The following ABLIM3 variants were observed in gnomAD, a reference collection of about 807,000 sequenced individuals.
The protein encoded by ABLIM3 is actin-binding LIM protein 3.
In ABLIM3, 61 loss-of-function variants were observed where a neutral mutation model predicts 109.5. The ratio of observed to expected loss-of-function variants is 0.56; its 90% CI spans 0.45 to 0.69. The LOEUF is 0.69. Among genes scored for constraint, ABLIM3 ranks in the 30% least tolerant of loss-of-function variants. The pLI is 0.00. For synonymous variants in ABLIM3, 300 were observed against 324.8 expected (o/e 0.92, Z 0.82); for missense variants, 796 against 889.5 (o/e 0.89, Z 1.34).
intron 2 of ABLIM3, 104 bp downstream of exon 2, chr5:149,142,212 T>A: frequency 6.6e-7 from 1 of 1,519,316 alleles, no homozygotes; most frequent in Non-Finnish European, 9.1e-7. Flanking sequence ...GCCTGGCATC[T>A]CTGGACACAT....
At chr5:149,148,158 G>A (rs976539317) in intron 2 of ABLIM3, among the ~76,000 whole-genome samples, 7 of 152,162 alleles carry the variant, frequency 4.6e-5, no homozygotes, top group Non-Finnish European at 7.4e-5. Context: ...AAAAACAAGA[G>A]CATGCTTAGT....
intron 2 of ABLIM3, among the ~76,000 whole-genome samples, chr5:149,178,451 T>C (rs1387531700): frequency 2.0e-5 from 3 of 152,220 alleles, no homozygotes; most frequent in African/African-American, 7.2e-5. Flanking sequence ...TATATTACAC[T>C]TCCAGCCAAT....
chr5:149,239,697 A>T (rs1217957607), intron 12 of ABLIM3, 62 bp from the exon 13 acceptor site: 8 of 1,513,054 alleles, frequency 5.3e-6, no homozygotes, highest in Non-Finnish European at 6.2e-6. Context: ...TGCCTGCTAG[A>T]CCCTCGGGCC....
chr5:149,244,042 T>G (rs1370333881), intron 15 of ABLIM3: 1 of 152,330 alleles, frequency 6.6e-6, no homozygotes, highest in Non-Finnish European at 1.5e-5. Context: ...AGCTTGTCCC[T>G]AAAGCTTCCT....
At chr5:149,153,748 A>G (rs543660664) in intron 2 of ABLIM3, among the ~76,000 whole-genome samples, 4 of 152,324 alleles carry the variant, frequency 2.6e-5, no homozygotes, top group Admixed American at 6.5e-5. Flanking sequence ...GCCTGAGAGT[A>G]TGGATGGTCC....
chr5:149,152,220 C>G (rs948982397), intron 2 of ABLIM3, among the ~76,000 whole-genome samples: 1 of 152,316 alleles, frequency 6.6e-6, no homozygotes, highest in East Asian at 1.9e-4. Context: ...ACAATTATCA[C>G]TTCCTATTAA....
chr5:149,155,215 C>T (rs1175250429), intron 2 of ABLIM3, among the ~76,000 whole-genome samples: 1 of 152,142 alleles, frequency 6.6e-6, no homozygotes, highest in African/African-American at 2.4e-5. Flanking sequence ...TGTATTTTTA[C>T]TGTGATGGAG....
At chr5:149,217,588 C>T (rs1010950861) in intron 8 of ABLIM3, 8 of 158,002 alleles carry the variant, frequency 5.1e-5, no homozygotes, top group Admixed American at 2.5e-4. Context: ...GCCCTCTTAC[C>T]CCAGGATTCT....
intron 3 of ABLIM3, among the ~76,000 whole-genome samples, chr5:149,193,509 G>T (rs1757689890): frequency 6.6e-6 from 1 of 151,994 alleles, no homozygotes; most frequent in Non-Finnish European, 1.5e-5. Context: ...CTGATAGAAA[G>T]ATAGAAATAT....
chr5:149,243,173 C>A (rs1030939493), intron 15 of ABLIM3, among the ~76,000 whole-genome samples: 4 of 152,182 alleles, frequency 2.6e-5, no homozygotes, highest in Admixed American at 2.6e-4. Context: ...ATTTAAAAGG[C>A]AGATTCCCTG....
chr5:149,227,612 C>T (rs1001450442), intron 8 of ABLIM3, among the ~76,000 whole-genome samples: 3 of 152,170 alleles, frequency 2.0e-5, no homozygotes, highest in African/African-American at 7.2e-5. Context: ...GGTCCCACCT[C>T]CAGGGAGTTG....
chr5:149,252,243 G>A (rs1581249810), intron 22 of ABLIM3, 35 bp downstream of exon 22: 1 of 1,609,366 alleles, frequency 6.2e-7, no homozygotes, highest in Non-Finnish European at 8.5e-7. Flanking sequence ...GGGTCTCCAG[G>A]ATTCTTGGAG....
intron 13 of ABLIM3, 170 bp from the exon 14 acceptor site, chr5:149,240,506 G>A (rs188573039): frequency 4.7e-5 from 29 of 615,082 alleles, no homozygotes; most frequent in African/African-American, 4.6e-4. Context: ...CCAACGTGGT[G>A]CATGAGAGCA....
intron 3 of ABLIM3, among the ~76,000 whole-genome samples, chr5:149,186,350 G>T (rs1261905430): frequency 6.6e-6 from 1 of 152,048 alleles, no homozygotes; most frequent in Admixed American, 6.5e-5. Context: ...GGAGGTGGAG[G>T]TTGCAGTGAG....
At chr5:149,174,785 C>T (rs1197080606) in intron 2 of ABLIM3, 5 of 152,158 alleles carry the variant, frequency 3.3e-5, no homozygotes, top group African/African-American at 1.2e-4. Context: ...CCTGTCTGAA[C>T]CCTAACTCTA....
intron 8 of ABLIM3, 93 bp downstream of exon 8, chr5:149,217,139 G>T (rs1760178345): frequency 1.6e-6 from 2 of 1,229,652 alleles, no homozygotes; most frequent in African/African-American, 1.5e-5. Flanking sequence ...TTGGCTTCAG[G>T]TTCAGTGTTA....
At chr5:149,236,382 T>C (rs1235834389) in intron 10 of ABLIM3, among the ~76,000 whole-genome samples, 1 of 152,152 alleles carries the variant, frequency 6.6e-6, no homozygotes, top group Non-Finnish European at 1.5e-5. Flanking sequence ...GAGAATGTTA[T>C]CAGACTAATA....
chr5:149,225,988 ATATATATAT>A (rs1561607838), intron 8 of ABLIM3, among the ~76,000 whole-genome samples: 10 of 15,646 alleles, frequency 6.4e-4, no homozygotes, highest in African/African-American at 3.3e-3. Context: ...GTGTGTATAT[ATATATATAT>A]ATATATATAT....
chr5:149,198,859 A>G lies in ABLIM3; in HGVS notation c.335+457A>G, dbSNP rs1454406119. Among the ~76,000 whole-genome samples the G allele has an allele frequency of 1.3e-5, 2 of 152,034 alleles. No homozygotes were observed. The highest frequency in any genetic ancestry group is 4.8e-5 in the African/African-American group (2 of 41,390). On this transcript the variant is annotated intron_variant, in intron 4 of 23. Transcript: ENST00000309868. This position sits in a 1 kb window ranked among gnomAD's most constrained non-coding sequence, Gnocchi z 4.2. ...GGAGTGACCCTGGCAAGTGACCCCCACCTCTGTAAGCCTCAGTTTCTCCAC... is the reference window on the plus strand; with the variant it reads ...GGAGTGACCCTGGCAAGTGACCCCCGCCTCTGTAAGCCTCAGTTTCTCCAC...
Sources: allele counts gnomAD v4.1 joint callset (sites outside exome capture counted in the v4.1 genomes callset), GRCh38; gene constraint gnomAD v4.1.1; non-coding constraint Gnocchi (gnomAD v3.1); transcripts MANE v1.5; gene names NCBI Gene and HGNC (gene_info 2026-07-23, HGNC 2026-07-21).